NCKAP5: variants seen among roughly 807,000 people sequenced by gnomAD.
NCKAP5 encodes NCK associated protein 5, also known as nck-associated protein 5.
A neutral mutation model predicts 167.0 loss-of-function variants in NCKAP5; 92 were observed. The observed-to-expected ratio is 0.55, with a 90% confidence interval of 0.47 to 0.66. NCKAP5 has a LOEUF of 0.66. Ranked by LOEUF, NCKAP5 falls within the 30% of genes least tolerant of loss-of-function variation. The pLI is 0.00. For missense variants in NCKAP5, 2,378 were observed against 2,315.0 expected (o/e 1.03, Z -0.56); for synonymous variants, 891 against 877.4 (o/e 1.02, Z -0.27).
the NCKAP5 span, among the ~76,000 whole-genome samples, chr2:133,575,570 A>AT: frequency 6.6e-6 from 1 of 152,210 alleles, no homozygotes; most frequent in African/African-American, 2.4e-5. Context: ...AACACTTCTT[A>AT]TTTTATAAGA....
chr2:132,811,607 C>A (rs570683229), intron 11 of NCKAP5, among the ~76,000 whole-genome samples: 112 of 152,246 alleles, frequency 7.4e-4, no homozygotes, highest in African/African-American at 2.5e-3. Flanking sequence ...ATGCTCCCCC[C>A]AACCCTGCCC....
chr2:133,347,621 C>T (rs918590477), intron 3 of NCKAP5, among the ~76,000 whole-genome samples: 3 of 151,248 alleles, frequency 2.0e-5, no homozygotes, highest in African/African-American at 7.3e-5. Flanking sequence ...AAATATTCTA[C>T]AATGGCATTG....
In NCKAP5 at chr2:132,888,874, G is replaced by A. The variant is rs566364243; in HGVS notation, c.580-9958C>T. On this transcript the variant is annotated intron_variant, in intron 8 of 19. Coordinates refer to ENST00000409261, the MANE Select transcript of NCKAP5 (RefSeq NM_207363.3). Reference sequence around the variant, plus strand: ...ATTGTTGTAGTAGTAGATTAAAGATGGTTGCAAATGCTCTGTGACTTATCT... The same window carrying A: ...ATTGTTGTAGTAGTAGATTAAAGATAGTTGCAAATGCTCTGTGACTTATCT... Among the ~76,000 whole-genome samples, 3 of 152,188 alleles carry A rather than the reference G, an allele frequency of 2.0e-5. No homozygotes were observed. In the South Asian group the frequency reaches 6.2e-4, roughly 32 times the overall value.
intron 3 of NCKAP5, among the ~76,000 whole-genome samples, chr2:133,474,763 G>A (rs1405087390): frequency 6.6e-6 from 1 of 151,540 alleles, no homozygotes; most frequent in Non-Finnish European, 1.5e-5. Context: ...ATATTGCTAA[G>A]TCTTTGGAAT....
At chr2:132,798,247 C>T (rs1684757265) in intron 11 of NCKAP5, among the ~76,000 whole-genome samples, 1 of 152,090 alleles carries the variant, frequency 6.6e-6, no homozygotes, top group Admixed American at 6.5e-5. Context: ...GGCAAAGATA[C>T]AATTTATCTC....
chr2:133,151,023 G>A (rs534868759), intron 5 of NCKAP5, among the ~76,000 whole-genome samples: 15 of 152,204 alleles, frequency 9.9e-5, no homozygotes, highest in East Asian at 9.7e-4. Flanking sequence ...GTCATTAGGC[G>A]TCTACTGAAG....
intron 19 of NCKAP5, among the ~76,000 whole-genome samples, chr2:132,685,507 G>A (rs764556407): frequency 3.9e-5 from 6 of 152,138 alleles, no homozygotes; most frequent in Non-Finnish European, 8.8e-5. Context: ...GGCAGACAGG[G>A]TACCTTCTAA....
At chr2:132,771,504 T>C (rs1203838288) in intron 16 of NCKAP5, among the ~76,000 whole-genome samples, 1 of 152,182 alleles carries the variant, frequency 6.6e-6, no homozygotes, top group African/African-American at 2.4e-5. Flanking sequence ...AGAAATTTTT[T>C]CCAATAAATT....
intron 3 of NCKAP5, among the ~76,000 whole-genome samples, chr2:133,337,322 A>G (rs933072687): frequency 6.6e-6 from 1 of 152,160 alleles, no homozygotes; most frequent in African/African-American, 2.4e-5. Flanking sequence ...TATGCTCCAG[A>G]TTCAGGACAA....
chr2:132,922,519 ACC>A lies in NCKAP5; in HGVS notation c.579+41199_579+41200del, dbSNP rs531101085. On this transcript the variant is annotated intron_variant, in intron 8 of 19. Coordinates refer to ENST00000409261, the MANE Select transcript of NCKAP5 (RefSeq NM_207363.3). ...AGCTTGGCACCCAAGGCTTTTGATG[ACC>A]TGGCTGTTCCTTCTCTCTCTGGACT... Among the ~76,000 whole-genome samples, 829 of 152,254 alleles carry A rather than the reference ACC, an allele frequency of 5.4e-3. 10 individuals carry two copies. Among genetic ancestry groups the A allele is most frequent in the African/African-American group, 0.019 (780 of 41,554 alleles).
rs569948998 is a variant in NCKAP5, at chr2:133,464,222, C to G, written c.69+53236G>C. 1.0e-3 allele frequency among the ~76,000 whole-genome samples: 154 copies of G among 152,314 alleles called. 1 individual carries two copies. The highest frequency in any genetic ancestry group is 3.4e-3 in the Middle Eastern group (1 of 294). The stretch of plus-strand genomic sequence containing the variant: ...CAGAAACACAGTATTCTAAGATAAT[C>G]TGTACACATGAGTCCTTCTTTATTA... On this transcript the variant is annotated intron_variant, in intron 3 of 19. Coordinates refer to ENST00000409261, the MANE Select transcript of NCKAP5 (RefSeq NM_207363.3).
intron 3 of NCKAP5, among the ~76,000 whole-genome samples, chr2:133,393,386 A>G (rs1687544125): frequency 6.6e-6 from 1 of 152,176 alleles, no homozygotes; most frequent in Non-Finnish European, 1.5e-5. Flanking sequence ...ATTATTTCAC[A>G]TTGATCCACA....
intron 6 of NCKAP5, among the ~76,000 whole-genome samples, chr2:133,106,698 T>A (rs930100030): frequency 1.3e-5 from 2 of 152,202 alleles, no homozygotes; most frequent in African/African-American, 4.8e-5. Flanking sequence ...CAGCAGTTTT[T>A]AAAAATATGG....
At chr2:133,369,490 A>G (rs954138933) in intron 3 of NCKAP5, among the ~76,000 whole-genome samples, 20 of 152,236 alleles carry the variant, frequency 1.3e-4, no homozygotes, top group African/African-American at 4.6e-4. Context: ...TGTTCGTTAA[A>G]GTTATAACTG....
chr2:133,039,121 T>C (rs79130247), intron 6 of NCKAP5, among the ~76,000 whole-genome samples: 288 of 152,292 alleles, frequency 1.9e-3, no homozygotes, highest in African/African-American at 6.7e-3. Context: ...ATAGGAGTCC[T>C]ACCCACATCC....
intron 4 of NCKAP5, among the ~76,000 whole-genome samples, chr2:133,239,065 A>G (rs1379285866): frequency 6.6e-6 from 1 of 152,214 alleles, no homozygotes; most frequent in Non-Finnish European, 1.5e-5. Flanking sequence ...ATCATGTTGG[A>G]TTCCTATAAA....
chr2:133,472,129 T>C (rs1235207382), intron 3 of NCKAP5, among the ~76,000 whole-genome samples: 2 of 152,180 alleles, frequency 1.3e-5, no homozygotes, highest in Non-Finnish European at 2.9e-5. Flanking sequence ...CCCTTTTATA[T>C]GTAATTTTAT....
At chr2:132,926,189 C>T (rs986665039) in intron 8 of NCKAP5, 1 of 397,554 alleles carries the variant, frequency 2.5e-6, no homozygotes, top group Non-Finnish European at 5.1e-6. Context: ...TAATGGCCTC[C>T]AGTTCCATCC....
intron 5 of NCKAP5, among the ~76,000 whole-genome samples, chr2:133,177,187 T>C (rs2084506025): frequency 1.4e-5 from 2 of 139,706 alleles, no homozygotes; most frequent in African/African-American, 5.5e-5. Context: ...TATATATATA[T>C]ACTCAAGAAA....
Sources: gnomAD v4.1 joint callset for allele counts (sites outside exome capture counted in the v4.1 genomes callset) on GRCh38, gnomAD v4.1.1 for gene constraint, MANE v1.5 for transcripts, NCBI Gene and HGNC (gene_info 2026-07-23, HGNC 2026-07-21) for gene names.